Variants in DEPDC5 observed in about 807,000 individuals in gnomAD.
DEPDC5 encodes the protein GATOR1 complex protein DEPDC5.
In DEPDC5, 73 loss-of-function variants were observed where a neutral mutation model predicts 217.3. The ratio of observed to expected loss-of-function variants is 0.34; its 90% CI spans 0.28 to 0.41. The LOEUF (loss-of-function observed/expected upper bound fraction) is 0.41. Ranked by LOEUF, DEPDC5 falls within the 10% of genes least tolerant of loss-of-function variation. DEPDC5 has a pLI of 1.00. For synonymous variants in DEPDC5, 733 were observed against 756.7 expected (o/e 0.97, Z 0.51); for missense variants, 1,675 against 2,070.1 (o/e 0.81, Z 3.70).
At chr22:31,822,833 G>T (rs1481580419) in intron 24 of DEPDC5, 43 bp downstream of exon 24, 19 of 1,585,864 alleles carry the variant, frequency 1.2e-5, no homozygotes, top group Non-Finnish European at 1.6e-5. Context: ...GTTTAGATCA[G>T]GCTCACATCT....
intron 24 of DEPDC5, among the ~76,000 whole-genome samples, chr22:31,830,685 AC>A (rs2090532864): frequency 6.7e-6 from 1 of 148,608 alleles, no homozygotes; most frequent in Non-Finnish European, 1.5e-5. Flanking sequence ...AGGTGTGTCC[AC>A]TAGAGATGGC....
chr22:31,797,405 C>T (rs1362959284), intron 12 of DEPDC5, among the ~76,000 whole-genome samples, 195 bp from the exon 13 acceptor site: 1 of 152,074 alleles, frequency 6.6e-6, no homozygotes, highest in East Asian at 1.9e-4. Flanking sequence ...CCCTTTTAAA[C>T]CATCAGATAT....
Position 31,765,006 on chromosome 22 carries a change from A to G in DEPDC5, c.225A>G (p.Gln75=), listed in dbSNP as rs761342718. The G allele has an allele frequency of 8.1e-6, 13 of 1,614,146 alleles. No homozygotes were observed. The highest frequency in any genetic ancestry group is 7.7e-5 in the South Asian group (7 of 91,082). The change falls in exon 5 of 43, where the codon CAA becomes CAG. Residue 75 remains glutamine (Q), a synonymous_variant. Transcript: ENST00000651528. ...TCAGTGTGGACCAGACTGTGACTCAAGTGTTCCGGCTGAGACCTTATCAGG... is the reference window on the plus strand; with the variant it reads ...TCAGTGTGGACCAGACTGTGACTCAGGTGTTCCGGCTGAGACCTTATCAGG... The part of the protein sequence containing the change: ...ETISVDQTVT[Q]VFRLRPYQDV...
chr22:31,906,152 G>A lies in DEPDC5; in HGVS notation c.4520-53G>A. ...TATGGCTGCAGAACCACCTCAGCAGGCTCCAGGAGCCCTCCTGGTGGCTGC... is the reference window on the plus strand; with the variant it reads ...TATGGCTGCAGAACCACCTCAGCAGACTCCAGGAGCCCTCCTGGTGGCTGC... On this transcript the variant is annotated intron_variant, in intron 42 of 42. Transcript: ENST00000651528. This position sits in a 1 kb window ranked among gnomAD's most constrained non-coding sequence, Gnocchi z 5.1. 3.1e-6 allele frequency: 5 copies of A among 1,612,508 alleles called. No individual in the cohort carries two copies. The highest frequency in any genetic ancestry group is 1.3e-5 in the African/African-American group (1 of 74,936).
In DEPDC5 at chr22:31,874,301, A is replaced by G. The variant is rs1421961946; in HGVS notation, c.3592A>G (p.Lys1198Glu). Residue 1198 changes from lysine to glutamate, a missense_variant, in exon 36 of 43, where the codon AAG becomes GAG. Lys to Glu is a moderately conservative substitution (Grantham distance 56). Transcript: ENST00000651528. The stretch of plus-strand genomic sequence containing the variant: ...AGGAGTCCAGCTGCTCTCTGAACAG[A>G]AGGGCCTCTCACCGTACTGCTTCAT... ...STGVQLLSEQ[K>E]GLSPYCFISA... The G allele has an allele frequency of 6.2e-7, 1 of 1,608,198 alleles. No individual in the cohort carries two copies. Among genetic ancestry groups the G allele is most frequent in the Non-Finnish European group, 8.5e-7 (1 of 1,177,224 alleles).
At chr22:31,881,064 A>T (rs1334154536) in intron 38 of DEPDC5, among the ~76,000 whole-genome samples, 1 of 151,698 alleles carries the variant, frequency 6.6e-6, no homozygotes, top group Non-Finnish European at 1.5e-5. Context: ...GTAGCCCAGC[A>T]CTTTGGGAGG....
At chr22:31,881,057 G>A (rs2093161080) in intron 38 of DEPDC5, among the ~76,000 whole-genome samples, 1 of 144,402 alleles carries the variant, frequency 6.9e-6, no homozygotes, top group Admixed American at 6.8e-5. Context: ...CATGCCTGTA[G>A]CCCAGCACTT....
At chr22:31,830,643 G>C (rs993776901) in intron 24 of DEPDC5, among the ~76,000 whole-genome samples, 1 of 147,616 alleles carries the variant, frequency 6.8e-6, no homozygotes, top group Admixed American at 6.6e-5. Flanking sequence ...GTGTGTGTGT[G>C]TGTGTGTGTG....
intron 7 of DEPDC5, among the ~76,000 whole-genome samples, chr22:31,773,590 C>G (rs1297977867): frequency 6.6e-6 from 1 of 152,210 alleles, no homozygotes; most frequent in African/African-American, 2.4e-5. Context: ...CTCCAGAAGA[C>G]TTACAGTATT....
chr22:31,837,324 A>C, intron 26 of DEPDC5, 169 bp downstream of exon 26: 5 of 659,804 alleles, frequency 7.6e-6, no homozygotes, highest in Non-Finnish European at 1.2e-5. Flanking sequence ...TTAAAAAAAC[A>C]TTGAATTGTA....
At chr22:31,785,109 T>G (rs1358083105) in intron 10 of DEPDC5, 1 of 427,764 alleles carries the variant, frequency 2.3e-6, no homozygotes, top group African/African-American at 2.1e-5. Context: ...AGTAACAAGG[T>G]AAGTATGCTT....
intron 24 of DEPDC5, among the ~76,000 whole-genome samples, chr22:31,833,697 C>T (rs967105774): frequency 6.6e-5 from 10 of 152,160 alleles, no homozygotes; most frequent in Non-Finnish European, 1.5e-4. Context: ...AAGAATGATA[C>T]CAGTAACCTC....
chr22:31,837,199 T>G, intron 26 of DEPDC5, 44 bp downstream of exon 26: 2 of 1,603,384 alleles, frequency 1.2e-6, no homozygotes, highest in South Asian at 2.2e-5. Flanking sequence ...TGGTGAGGGT[T>G]TCGGATATAT....
At chr22:31,840,170 T>C (rs906754253) in intron 27 of DEPDC5, among the ~76,000 whole-genome samples, 5 of 152,104 alleles carry the variant, frequency 3.3e-5, no homozygotes, top group African/African-American at 1.2e-4. Flanking sequence ...GAACATTTAA[T>C]ATGGGGCCCT....
In DEPDC5 at chr22:31,804,320, T is replaced by C; in HGVS notation, c.1143+97T>C. 3.4e-6 allele frequency: 4 copies of C among 1,183,576 alleles called. No homozygotes were observed. In the Admixed American group the frequency reaches 7.6e-5, roughly 23 times the overall value. The allele number at this position is 1,183,576 out of a possible 1,614,324, so 73.3% of individuals were successfully genotyped here. A position where few individuals can be genotyped will look rare whatever the true frequency, so the allele number is the denominator to read the frequency against. On this transcript the variant is annotated intron_variant, in intron 16 of 42. Transcript: ENST00000651528. The stretch of plus-strand genomic sequence containing the variant: ...TGTGGCATGCACTTATAGTCCCACT[T>C]ACTCGAGAGGCTGAAGTGGGAAGAT...
At chr22:31,883,937 A>G (rs116173051) in intron 38 of DEPDC5, among the ~76,000 whole-genome samples, 1,630 of 151,984 alleles carry the variant, frequency 0.011, 25 homozygotes, top group African/African-American at 0.036. Flanking sequence ...GGTCTTCCCA[A>G]TGCACTCCCT....
intron 14 of DEPDC5, among the ~76,000 whole-genome samples, chr22:31,801,008 A>G (rs1022454244): frequency 4.0e-5 from 6 of 151,472 alleles, no homozygotes; most frequent in Non-Finnish European, 8.8e-5. Flanking sequence ...TTTTAAATAA[A>G]TAGGCTGGCT....
At chr22:31,796,307 G>A (rs1439492107) in intron 12 of DEPDC5, among the ~76,000 whole-genome samples, 2 of 151,612 alleles carry the variant, frequency 1.3e-5, no homozygotes, top group East Asian at 3.9e-4. Context: ...GTTTCACCGT[G>A]TTAGCCAGAA....
At chr22:31,861,220 C>A in intron 32 of DEPDC5, 148 bp from the exon 33 acceptor site, 4 of 469,658 alleles carry the variant, frequency 8.5e-6, no homozygotes, top group Admixed American at 3.4e-5. Context: ...TTCATATGTC[C>A]TTGTTTCTCT....
Sources: gnomAD v4.1 joint callset for allele counts (sites outside exome capture counted in the v4.1 genomes callset) on GRCh38, gnomAD v4.1.1 for gene constraint, Gnocchi (gnomAD v3.1) non-coding constraint, MANE v1.5 for transcripts, NCBI Gene and HGNC (gene_info 2026-07-23, HGNC 2026-07-21) for gene names.